The following CNTN5 variants were observed in gnomAD, a reference collection of about 807,000 sequenced individuals.
CNTN5 encodes contactin 5, also known as contactin-5.
A neutral mutation model predicts 129.1 loss-of-function variants in CNTN5; 77 were observed. The ratio of observed to expected loss-of-function variants is 0.60; its 90% CI spans 0.50 to 0.72. CNTN5 has a LOEUF of 0.72. Ranked by LOEUF, CNTN5 falls within the 30% of genes least tolerant of loss-of-function variation. The pLI, the probability that CNTN5 is intolerant of heterozygous loss-of-function variation, is 0.00. For synonymous variants in CNTN5, 509 were observed against 465.6 expected (o/e 1.09, Z -1.20); for missense variants, 1,478 against 1,328.8 (o/e 1.11, Z -1.75).
intron 3 of CNTN5, among the ~76,000 whole-genome samples, chr11:99,802,426 G>A (rs1946142650): frequency 6.6e-6 from 1 of 152,142 alleles, no homozygotes; most frequent in African/African-American, 2.4e-5. Flanking sequence ...CTAATGGCAG[G>A]CAAGGGACTG....
At chr11:100,164,683 C>T (rs1030536024) in intron 13 of CNTN5, among the ~76,000 whole-genome samples, 2 of 151,668 alleles carry the variant, frequency 1.3e-5, no homozygotes, top group South Asian at 2.1e-4. Context: ...GATAAAACTG[C>T]TTTAAAAATA....
At chr11:100,243,263 G>T (rs1056660006) in intron 16 of CNTN5, among the ~76,000 whole-genome samples, 4 of 152,194 alleles carry the variant, frequency 2.6e-5, no homozygotes, top group African/African-American at 9.6e-5. Flanking sequence ...GTATAGCAAA[G>T]AAATTAGAAA....
chr11:99,178,564 A>G (rs1857895074), intron 1 of CNTN5, among the ~76,000 whole-genome samples: 1 of 152,090 alleles, frequency 6.6e-6, no homozygotes, highest in East Asian at 1.9e-4. Flanking sequence ...GACAGGAGAA[A>G]TAAGTGTCAT....
chr11:100,282,090 C>T (rs559979072), intron 18 of CNTN5, among the ~76,000 whole-genome samples: 16 of 151,412 alleles, frequency 1.1e-4, no homozygotes, highest in Middle Eastern at 3.4e-3. Context: ...GATTGGTCCC[C>T]GGTGGCATAT....
At chr11:100,111,680 A>T (rs1420443493) in intron 13 of CNTN5, among the ~76,000 whole-genome samples, 1 of 152,140 alleles carries the variant, frequency 6.6e-6, no homozygotes, top group Non-Finnish European at 1.5e-5. Flanking sequence ...TCTTAAGAAA[A>T]TTTAAGTGTA....
intron 7 of CNTN5, among the ~76,000 whole-genome samples, chr11:99,924,987 A>G (rs1314837644): frequency 6.6e-6 from 1 of 152,206 alleles, no homozygotes; most frequent in African/African-American, 2.4e-5. Context: ...TTGTGAATAC[A>G]TGAAGTCTTA....
chr11:100,298,560 T>TC (rs1212482009), intron 19 of CNTN5, among the ~76,000 whole-genome samples: 2 of 151,314 alleles, frequency 1.3e-5, no homozygotes, highest in African/African-American at 4.8e-5. Flanking sequence ...TGCTAGACAG[T>TC]GGCTGGTAAC....
At chr11:100,241,459 G>GA (rs776079101) in intron 16 of CNTN5, among the ~76,000 whole-genome samples, 32 of 152,212 alleles carry the variant, frequency 2.1e-4, no homozygotes, top group Non-Finnish European at 4.0e-4. Context: ...TTATAAAAAG[G>GA]AAAAAACATT....
intron 2 of CNTN5, among the ~76,000 whole-genome samples, chr11:99,515,367 T>A (rs2515385): frequency 0.22 from 33,309 of 151,946 alleles, 4,322 homozygotes; most frequent in Middle Eastern, 0.33. Context: ...AAAAATGACT[T>A]TGTTCTGAAT....
intron 1 of CNTN5, among the ~76,000 whole-genome samples, chr11:99,295,148 G>C (rs992959951): frequency 1.3e-5 from 2 of 152,054 alleles, no homozygotes; most frequent in African/African-American, 2.4e-5. Context: ...AAATGACCAA[G>C]AGTTTAGAGT....
intron 8 of CNTN5, among the ~76,000 whole-genome samples, chr11:100,000,062 A>G (rs1591548865): frequency 6.6e-6 from 1 of 151,908 alleles, no homozygotes; most frequent in East Asian, 1.9e-4. Flanking sequence ...ATGCTAAATG[A>G]TGAGTTAATG....
intron 16 of CNTN5, among the ~76,000 whole-genome samples, chr11:100,227,498 G>T (rs1461355072): frequency 6.6e-6 from 1 of 152,034 alleles, no homozygotes; most frequent in African/African-American, 2.4e-5. Context: ...CATTTTGCTT[G>T]TGAATGTCAG....
At chr11:99,324,923 G>T (rs1368173108) in intron 1 of CNTN5, among the ~76,000 whole-genome samples, 1 of 152,112 alleles carries the variant, frequency 6.6e-6, no homozygotes, top group Admixed American at 6.6e-5. Context: ...TTACAGGTGT[G>T]AGCCACTGCA....
intron 13 of CNTN5, among the ~76,000 whole-genome samples, chr11:100,090,282 A>G (rs981695593): frequency 1.3e-5 from 2 of 152,100 alleles, no homozygotes; most frequent in African/African-American, 4.8e-5. Flanking sequence ...CACCTTGAGA[A>G]CTAGAGAAAG....
intron 3 of CNTN5, among the ~76,000 whole-genome samples, chr11:99,816,705 A>G (rs1425828451): frequency 1.3e-5 from 2 of 152,080 alleles, no homozygotes; most frequent in Non-Finnish European, 2.9e-5. Context: ...AGTGATCTAG[A>G]ACTTACGTTG....
chr11:100,335,351 A>G (rs1035501315), intron 21 of CNTN5, among the ~76,000 whole-genome samples: 1 of 152,226 alleles, frequency 6.6e-6, no homozygotes, highest in Non-Finnish European at 1.5e-5. Flanking sequence ...ATGTAAGGAA[A>G]CTGCATTGTG....
chr11:100,003,342 T>C (rs1009212164), intron 9 of CNTN5, among the ~76,000 whole-genome samples: 2 of 152,252 alleles, frequency 1.3e-5, no homozygotes, highest in East Asian at 1.9e-4. Flanking sequence ...GTTAAGCGCA[T>C]AAGATTGAAT....
intron 16 of CNTN5, among the ~76,000 whole-genome samples, chr11:100,247,754 T>C (rs189272243): frequency 7.8e-4 from 119 of 152,250 alleles, no homozygotes; most frequent in African/African-American, 2.7e-3. Context: ...GCTAATGTAC[T>C]ATGAAAAGTC....
At chr11:99,469,364 A>G (rs974698811) in intron 2 of CNTN5, among the ~76,000 whole-genome samples, 5 of 152,116 alleles carry the variant, frequency 3.3e-5, no homozygotes, top group East Asian at 1.9e-4. Flanking sequence ...TTTCAAAATT[A>G]TCTATTTCTT....
Sources: allele counts gnomAD v4.1 joint callset (sites outside exome capture counted in the v4.1 genomes callset), GRCh38; gene constraint gnomAD v4.1.1; transcripts MANE v1.5; gene names NCBI Gene and HGNC (gene_info 2026-07-23, HGNC 2026-07-21).